GRAMD2A: variants seen among roughly 807,000 people sequenced by gnomAD.
GRAMD2A encodes the protein GRAM domain-containing protein 2A.
A neutral mutation model predicts 51.1 loss-of-function variants in GRAMD2A; 37 were observed. The observed-to-expected ratio is 0.72, with a 90% CI of 0.56 to 0.95. The LOEUF (loss-of-function observed/expected upper bound fraction) is 0.95, where lower values mean the gene tolerates loss of function less well. GRAMD2A is among the 40% of genes least tolerant of loss of function. The pLI is 0.00. For missense variants in GRAMD2A, 414 were observed against 426.9 expected (o/e 0.97, Z 0.27); for synonymous variants, 136 against 157.1 (o/e 0.87, Z 1.01).
chr15:72,169,215 G>A (rs771913346), intron 2 of GRAMD2A: 26 of 585,510 alleles, frequency 4.4e-5, no homozygotes, highest in Non-Finnish European at 8.0e-5. Flanking sequence ...GTAGAGAGGG[G>A]TCGCCAAGGG....
chr15:72,163,734 C>A lies in GRAMD2A; in HGVS notation c.624G>T (p.Lys208Asn), dbSNP rs2081508653. 6.2e-7 allele frequency: 1 copy of A among 1,608,912 alleles called. No individual in the cohort carries two copies. Among genetic ancestry groups the A allele is most frequent in the East Asian group, 2.2e-5 (1 of 44,870 alleles). Residue 208 changes from lysine to asparagine, a missense_variant, in exon 9 of 12, where the codon AAG (lysine) becomes AAT (asparagine). Physicochemically the swap from Lys to Asn is moderately conservative, Grantham distance 94. Transcript: ENST00000309731. ...TGGAGGAAGGGCATACCTTTCTCCA[C>A]TTCATCTCAGGGATGAGGACTTCCT... ...ESLEVLIPEM[K>N]WRKVCPSSRS...
chr15:72,169,092 G>T, intron 2 of GRAMD2A, 96 bp from the exon 3 acceptor site: 1 of 1,095,512 alleles, frequency 9.1e-7, no homozygotes. Context: ...CCAGAAGCTT[G>T]AGGCAGAGAT....
chr15:72,196,924 TG>T (rs2081809162), intron 1 of GRAMD2A, among the ~76,000 whole-genome samples: 1 of 152,178 alleles, frequency 6.6e-6, no homozygotes, highest in African/African-American at 2.4e-5. Flanking sequence ...CAGTGCTAGC[TG>T]GCCGAGGATG....
In GRAMD2A at chr15:72,166,969, G is replaced by A. The variant is rs763884241; in HGVS notation, c.471+25C>T. On this transcript the variant is annotated intron_variant, in intron 6 of 11. Coordinates refer to ENST00000309731, the MANE Select transcript of GRAMD2A (RefSeq NM_001012642.3). The surrounding 1 kb of genome is among the most constrained non-coding windows in gnomAD (Gnocchi z 4.1). ...AGGGCTGGGAGCGGGAGACTGACAA[G>A]GGAGCATGGGCCCAGTGCACTGACC... is the stretch of plus-strand genomic sequence containing the variant. 1.3e-6 allele frequency: 2 copies of A among 1,572,532 alleles called. No homozygotes were observed. Among genetic ancestry groups the A allele is most frequent in the South Asian group, 1.1e-5 (1 of 90,292 alleles).
chr15:72,163,760 G>T lies in GRAMD2A; in HGVS notation c.601-3C>A, dbSNP rs2081509033. On this transcript the variant is annotated splice_polypyrimidine_tract_variant and splice_region_variant and intron_variant, in intron 8 of 11. Coordinates refer to ENST00000309731, the MANE Select transcript of GRAMD2A (RefSeq NM_001012642.3). ...TTCATCTCAGGGATGAGGACTTCCT[G>T]CAGTAAGACAGGAGAAGCTATCTTA... 3.1e-6 allele frequency: 5 copies of T among 1,608,624 alleles called. No individual in the cohort carries two copies. The African/African-American group carries it at 4.0e-5, about 13-fold the overall frequency.
intron 1 of GRAMD2A, among the ~76,000 whole-genome samples, chr15:72,180,309 G>A (rs991042516): frequency 2.0e-5 from 3 of 152,182 alleles, no homozygotes; most frequent in Admixed American, 6.5e-5. Flanking sequence ...TGGCACCCCC[G>A]GGTCTGCTCA....
chr15:72,195,835 A>C (rs2081801160), intron 1 of GRAMD2A, among the ~76,000 whole-genome samples: 1 of 152,138 alleles, frequency 6.6e-6, no homozygotes, highest in East Asian at 1.9e-4. Flanking sequence ...CAGGAGAATC[A>C]CTTGAACCCA....
intron 10 of GRAMD2A, chr15:72,162,938 G>C: frequency 3.4e-6 from 1 of 292,252 alleles, no homozygotes; most frequent in Non-Finnish European, 6.4e-6. Context: ...GGGCAGTGGC[G>C]AGGCCAAGCT....
chr15:72,169,846 C>G lies in GRAMD2A; in HGVS notation c.134+1G>C. ...TCTATGACTGGGAAAGGGGTCCTCA[C>G]CTGTAGTCCGGGGGCTCCTCAACTC... On this transcript the variant is annotated splice_donor_variant, in intron 2 of 11. Coordinates refer to ENST00000309731, the MANE Select transcript of GRAMD2A (RefSeq NM_001012642.3). LOFTEE classifies it high-confidence loss of function. 1.2e-6 allele frequency: 2 copies of G among 1,610,994 alleles called. No homozygotes were observed. Among genetic ancestry groups the G allele is most frequent in the Non-Finnish European group, 1.7e-6 (2 of 1,177,110 alleles).
intron 1 of GRAMD2A, among the ~76,000 whole-genome samples, chr15:72,190,437 A>C (rs2081760784): frequency 6.6e-6 from 1 of 152,050 alleles, no homozygotes; most frequent in South Asian, 2.1e-4. Flanking sequence ...ATAATCCTTC[A>C]CCAAGGAACA....
At chr15:72,181,174 G>A (rs1163615428) in intron 1 of GRAMD2A, among the ~76,000 whole-genome samples, 2 of 152,220 alleles carry the variant, frequency 1.3e-5, no homozygotes, top group Middle Eastern at 3.2e-3. Flanking sequence ...GGTGAGCAGC[G>A]AAGTGGTAAA....
chr15:72,186,332 T>A (rs903128116), intron 1 of GRAMD2A, among the ~76,000 whole-genome samples: 1 of 151,450 alleles, frequency 6.6e-6, no homozygotes, highest in Non-Finnish European at 1.5e-5. Context: ...TATTTAATTT[T>A]TTTTTTTTTT....
In GRAMD2A at chr15:72,160,865, C is replaced by T. The variant is rs1000607566; in HGVS notation, c.*1144G>A. 1 of 152,668 alleles carries T rather than the reference C, an allele frequency of 6.6e-6. No homozygotes were observed. Among genetic ancestry groups the T allele is most frequent in the Non-Finnish European group, 1.5e-5 (1 of 68,300 alleles). The allele number at this position is 152,668 out of a possible 1,614,324, so 9.5% of individuals were successfully genotyped here. On this transcript the variant is annotated 3_prime_UTR_variant, in exon 12 of 12. Transcript: ENST00000309731. ...CCTGTCCCCAGAGGTATGAGATAGA[C>T]CCCCTGGCCTGGTTCCTGCACTGTG...
intron 1 of GRAMD2A, among the ~76,000 whole-genome samples, chr15:72,196,321 G>C (rs1442045797): frequency 1.3e-5 from 2 of 152,028 alleles, no homozygotes; most frequent in Non-Finnish European, 2.9e-5. Flanking sequence ...TTCAAGACCA[G>C]CCTGGCCAAC....
intron 1 of GRAMD2A, among the ~76,000 whole-genome samples, chr15:72,174,406 A>G (rs2140551457): frequency 6.6e-6 from 1 of 152,124 alleles, no homozygotes; most frequent in East Asian, 1.9e-4. Context: ...CTAGGTGTTC[A>G]TGCCCTGTGG....
intron 1 of GRAMD2A, among the ~76,000 whole-genome samples, chr15:72,180,246 G>A (rs529704619): frequency 5.3e-5 from 8 of 152,296 alleles, no homozygotes; most frequent in South Asian, 2.1e-4. Flanking sequence ...GTGCCCTGCC[G>A]GCTGCTGGCT....
At chr15:72,192,949 A>AC (rs1427461237) in intron 1 of GRAMD2A, among the ~76,000 whole-genome samples, 1 of 151,828 alleles carries the variant, frequency 6.6e-6, no homozygotes, top group East Asian at 2.0e-4. Context: ...ACATGCAGAA[A>AC]CCCCATCTCT....
At chr15:72,189,415 G>A (rs2081753639) in intron 1 of GRAMD2A, among the ~76,000 whole-genome samples, 2 of 152,180 alleles carry the variant, frequency 1.3e-5, no homozygotes, top group South Asian at 4.1e-4. Context: ...TTATATCAAT[G>A]TCAATTTTCT....
Position 72,166,949 on chromosome 15 carries a change from TG to T in GRAMD2A, c.471+44del. 2 of 1,466,666 alleles carry T rather than the reference TG, an allele frequency of 1.4e-6. No individual in the cohort carries two copies. The highest frequency in any genetic ancestry group is 1.9e-6 in the Non-Finnish European group (2 of 1,045,876). 90.9% of individuals were successfully genotyped at this position (1,466,666 alleles called of 1,614,324 possible). ...GAGTCAGACTGTGGGCTGTCAGGGC[TG>T]GGAGCGGGAGACTGACAAGGGAGCA... On this transcript the variant is annotated intron_variant, in intron 6 of 11. Coordinates refer to ENST00000309731, the MANE Select transcript of GRAMD2A (RefSeq NM_001012642.3). The surrounding 1 kb of genome is among the most constrained non-coding windows in gnomAD (Gnocchi z 4.1).
Sources: allele counts gnomAD v4.1 joint callset (sites outside exome capture counted in the v4.1 genomes callset), GRCh38; gene constraint gnomAD v4.1.1; non-coding constraint Gnocchi (gnomAD v3.1); transcripts MANE v1.5; gene names NCBI Gene and HGNC (gene_info 2026-07-23, HGNC 2026-07-21).